Variants in BIN1 observed in about 807,000 individuals in gnomAD.
BIN1 encodes the protein bridging integrator 1.
In BIN1, 53 loss-of-function variants were observed where a neutral mutation model predicts 82.0. That is an observed-to-expected ratio of 0.65 (90% CI 0.52 to 0.81). BIN1 has a LOEUF of 0.81. BIN1 is among the 40% of genes least tolerant of loss of function. The pLI is 0.00. For missense variants in BIN1, 642 were observed against 784.4 expected, an observed-to-expected ratio of 0.82 and a Z score of 2.17; for synonymous variants, 302 against 328.0, an observed-to-expected ratio of 0.92 and a Z score of 0.86.
At chr2:127,053,264 C>T (rs1364818393) in intron 14 of BIN1, 158 bp downstream of exon 14, 2 of 1,114,944 alleles carry the variant, frequency 1.8e-6, no homozygotes, top group Non-Finnish European at 2.6e-6. Flanking sequence ...CGGGTGGCTT[C>T]ACCAGCTCCC....
chr2:127,076,014 G>A (rs1314204604), intron 2 of BIN1, among the ~76,000 whole-genome samples: 7 of 140,230 alleles, frequency 5.0e-5, no homozygotes, highest in African/African-American at 8.2e-5. Flanking sequence ...AAATGCTCCC[G>A]GCCCTCTCCC....
At chr2:127,061,170 T>A (rs1684412722) in intron 10 of BIN1, among the ~76,000 whole-genome samples, 1 of 151,616 alleles carries the variant, frequency 6.6e-6, no homozygotes, top group African/African-American at 2.4e-5. Flanking sequence ...GACCTTGAAT[T>A]CACCTTTTGG....
intron 11 of BIN1, among the ~76,000 whole-genome samples, chr2:127,058,496 C>T (rs1457431988): frequency 2.6e-5 from 4 of 152,140 alleles, no homozygotes; most frequent in Admixed American, 6.5e-5. Flanking sequence ...GAGACAAGGA[C>T]AGTCCAGAAG....
At chr2:127,102,620 C>T (rs1015052527) in intron 1 of BIN1, among the ~76,000 whole-genome samples, 3 of 152,224 alleles carry the variant, frequency 2.0e-5, no homozygotes, top group African/African-American at 4.8e-5. Flanking sequence ...GGCTTGGTCC[C>T]TGCATGAGCC....
chr2:127,097,585 A>C (rs1439337786), intron 1 of BIN1, among the ~76,000 whole-genome samples: 1 of 152,204 alleles, frequency 6.6e-6, no homozygotes, highest in African/African-American at 2.4e-5. Context: ...CTCCAGGCCC[A>C]AGCCCTGCCC....
intron 1 of BIN1, chr2:127,081,730 A>C (rs1573718204): frequency 8.5e-7 from 1 of 1,181,538 alleles, no homozygotes. Context: ...CCAACACCCC[A>C]CCCCCACACA....
At position 127,050,834 on chromosome 2, in the gene BIN1, G is replaced by T. The variant is rs148422103; in HGVS notation, c.1540C>A (p.Arg514Ser). The stretch of plus-strand genomic sequence containing the variant: ...ATGAAACCTGGGGGCAGGTCCAAGC[G>T]CCCGGCCCCACTGCCGCCCTCCACG... ...GTVEGGSGAGRLDLPPGFMFK... is the reference protein window; with the variant it reads ...GTVEGGSGAGSLDLPPGFMFK... Residue 514 changes from arginine to serine, a missense_variant, in exon 17 of 19, where the codon CGC becomes AGC. By Grantham distance (110) the Arg-to-Ser change is moderately radical. Transcript: ENST00000316724. The T allele has an allele frequency of 6.2e-7, 1 of 1,613,636 alleles. No homozygotes were observed. Among genetic ancestry groups the T allele is most frequent in the Non-Finnish European group, 8.5e-7 (1 of 1,179,994 alleles).
intron 1 of BIN1, among the ~76,000 whole-genome samples, chr2:127,099,470 G>A (rs2404527): frequency 0.39 from 59,774 of 151,936 alleles, 11,992 homozygotes; most frequent in Middle Eastern, 0.49. Flanking sequence ...TACTGTAGCA[G>A]TAACAGAAAC....
rs1375474439 is a variant in BIN1 at position 127,093,974 on chromosome 2, C to A, written c.84+12886G>T. 6.6e-6 allele frequency among the ~76,000 whole-genome samples: 1 copy of A among 152,160 alleles called. No homozygotes were observed. Among genetic ancestry groups the A allele is most frequent in the Non-Finnish European group, 1.5e-5 (1 of 68,028 alleles). On this transcript the variant is annotated intron_variant, in intron 1 of 18. Transcript: ENST00000316724. This position sits in a 1 kb window ranked among gnomAD's most constrained non-coding sequence, Gnocchi z 5.7. ...AGGATACACACGGAGGGCATGGGTG[C>A]AGCTAGACACCCCCCACTGGCCTAA...
In BIN1 at chr2:127,057,527, G is replaced by A. The variant is rs1222924415; in HGVS notation, c.1077C>T (p.Leu359=). The A allele has an allele frequency of 2.6e-6, 4 of 1,547,170 alleles. No homozygotes were observed. The highest frequency in any genetic ancestry group is 1.4e-5 in the African/African-American group (1 of 73,002). Residue 359 remains leucine (L), a synonymous_variant, in exon 12 of 19, where the codon CTC becomes CTT. Coordinates refer to ENST00000316724, the MANE Select transcript of BIN1 (RefSeq NM_139343.3). This position sits in a 1 kb window ranked among gnomAD's most constrained non-coding sequence, Gnocchi z 5.0. ...GGACAAACGTGTCCTCAAACAGGCT[G>A]AGGATCTGCTCCTGCTTGACTTCCT... ...PSKEVKQEQI[L]SLFEDTFVPE... is the part of the protein sequence containing the mutation.
At position 127,052,232 on chromosome 2, in the gene BIN1, AGGGGCTGG is replaced by A; in HGVS notation, c.1371+15_1371+22del. The stretch of plus-strand genomic sequence containing the variant: ...CCTAGAGACTGGGGACAAGCCAGAC[AGGGGCTGG>A]AGGTGGGCACTTACTTGGGCAGGCC... On this transcript the variant is annotated intron_variant, in intron 15 of 18. Transcript: ENST00000316724. 2 of 1,554,272 alleles carry A rather than the reference AGGGGCTGG, an allele frequency of 1.3e-6. No homozygotes were observed. Among genetic ancestry groups the A allele is most frequent in the Non-Finnish European group, 1.7e-6 (2 of 1,147,394 alleles).
chr2:127,085,538 G>A (rs987593250), intron 1 of BIN1, among the ~76,000 whole-genome samples: 3 of 152,208 alleles, frequency 2.0e-5, no homozygotes, highest in African/African-American at 7.2e-5. Context: ...CAGTAGGAAA[G>A]TGGAGGAACC....
In BIN1 at chr2:127,097,341, CCCTCCAGGCCCAGCAGCGTCACT is replaced by C. The variant is rs1558882576; in HGVS notation, c.84+9496_84+9518del. 8.7e-5 allele frequency among the ~76,000 whole-genome samples: 13 copies of C among 148,590 alleles called. No homozygotes were observed. In the East Asian group the frequency reaches 9.7e-4, roughly 11 times the overall value. The stretch of plus-strand genomic sequence containing the variant: ...ATCCCTCCAGGCCCAGGAGCGTCAC[CCCTCCAGGCCCAGCAGCGTCACT>C]CCTCCAGGCCCAGCAGCGTCAGCCC... On this transcript the variant is annotated intron_variant, in intron 1 of 18. Coordinates refer to ENST00000316724, the MANE Select transcript of BIN1 (RefSeq NM_139343.3).
At chr2:127,064,479 G>A (rs150337843) in intron 7 of BIN1, among the ~76,000 whole-genome samples, 3 of 152,154 alleles carry the variant, frequency 2.0e-5, no homozygotes, top group Non-Finnish European at 2.9e-5. Flanking sequence ...AATTGCCCCC[G>A]CCCCTGAGTG....
At chr2:127,078,788 G>C (rs531602338) in intron 1 of BIN1, among the ~76,000 whole-genome samples, 2 of 152,166 alleles carry the variant, frequency 1.3e-5, no homozygotes, top group East Asian at 1.9e-4. Context: ...AGCTGGGGAG[G>C]TTCCTCACCC....
At chr2:127,088,958 G>A (rs80016166) in intron 1 of BIN1, among the ~76,000 whole-genome samples, 2,682 of 152,236 alleles carry the variant, frequency 0.018, 22 homozygotes, top group Non-Finnish European at 0.025. Context: ...AGGACAGCAA[G>A]ACCGGCGTGG....
intron 1 of BIN1, among the ~76,000 whole-genome samples, chr2:127,104,007 C>T (rs144178878): frequency 1.2e-4 from 18 of 152,342 alleles, no homozygotes; most frequent in African/African-American, 4.3e-4. Flanking sequence ...ACCCTCCTCA[C>T]ACCAAGGCCA....
At position 127,057,350 on chromosome 2, in the gene BIN1, GA is replaced by G. The variant is rs570944862; in HGVS notation, c.1131+122del. The G allele has an allele frequency of 2.3e-6, 3 of 1,301,450 alleles. No homozygotes were observed. Among genetic ancestry groups the G allele is most frequent in the Non-Finnish European group, 2.0e-6 (2 of 986,530 alleles). 80.6% of individuals were successfully genotyped at this position (1,301,450 alleles called of 1,614,324 possible). ...TGGAGGGAACAAAGGGTGAGAGAGG[GA>G]AACTGACACTCTCTCTGGCCAGATT... On this transcript the variant is annotated intron_variant, in intron 12 of 18. Transcript: ENST00000316724. This position sits in a 1 kb window ranked among gnomAD's most constrained non-coding sequence, Gnocchi z 5.0.
At chr2:127,105,485 T>TCCTCCTCCTCCTCCTCCTCCTCCC in intron 1 of BIN1, among the ~76,000 whole-genome samples, 1 of 148,972 alleles carries the variant, frequency 6.7e-6, no homozygotes, top group South Asian at 2.2e-4. Flanking sequence ...CTCCTCCTCC[T>TCCTCCTCCTCCTCCTCCTCCTCCC]CCTCCTCCTC....
Sources: gnomAD v4.1 joint callset for allele counts (sites outside exome capture counted in the v4.1 genomes callset) on GRCh38, gnomAD v4.1.1 for gene constraint, Gnocchi (gnomAD v3.1) non-coding constraint, MANE v1.5 for transcripts, NCBI Gene and HGNC (gene_info 2026-07-23, HGNC 2026-07-21) for gene names.